Variants in ATP2C1 observed in about 807,000 individuals in gnomAD.
ATP2C1 encodes ATPase secretory pathway Ca2+ transporting 1, also known as calcium-transporting ATPase type 2C member 1.
ATP2C1 carries 31 observed loss-of-function variants against 120.5 expected under a neutral mutation model. That is an observed-to-expected ratio of 0.26 (90% CI 0.19 to 0.35). The LOEUF is 0.35. Among genes scored for constraint, ATP2C1 ranks in the 10% least tolerant of loss-of-function variants. ATP2C1 has a pLI of 1.00. For synonymous variants in ATP2C1, 351 were observed against 358.7 expected, an observed-to-expected ratio of 0.98 and a Z score of 0.24; for missense variants, 731 against 1,107.5, an observed-to-expected ratio of 0.66 and a Z score of 4.83.
intron 12 of ATP2C1, among the ~76,000 whole-genome samples, chr3:130,961,369 A>G (rs1159445073): frequency 1.3e-5 from 2 of 151,792 alleles, no homozygotes; most frequent in African/African-American, 4.8e-5. Context: ...AACTCATTCT[A>G]TTTTGCAATT....
At chr3:130,978,430 A>G (rs2061619806) in intron 18 of ATP2C1, among the ~76,000 whole-genome samples, 1 of 152,104 alleles carries the variant, frequency 6.6e-6, no homozygotes, top group Non-Finnish European at 1.5e-5. Context: ...AATATCTCAG[A>G]TGCAGGCACA....
intron 27 of ATP2C1, among the ~76,000 whole-genome samples, chr3:131,000,117 T>C (rs1003886524): frequency 9.2e-5 from 14 of 152,218 alleles, no homozygotes; most frequent in African/African-American, 3.4e-4. Flanking sequence ...GCAGAATGTT[T>C]TATAAAGACT....
intron 2 of ATP2C1, chr3:130,918,897 C>T: frequency 3.1e-6 from 1 of 319,324 alleles, no homozygotes; most frequent in Non-Finnish European, 6.1e-6. Flanking sequence ...GAGGCTGAGG[C>T]AGGAGAATGG....
chr3:130,921,339 C>T (rs1173034191), intron 2 of ATP2C1, among the ~76,000 whole-genome samples: 2 of 152,206 alleles, frequency 1.3e-5, no homozygotes, highest in African/African-American at 4.8e-5. Flanking sequence ...ACCTCGGCTT[C>T]CCAAAGTGCT....
chr3:130,944,728 T>C (rs144197531), intron 8 of ATP2C1, among the ~76,000 whole-genome samples: 2 of 152,338 alleles, frequency 1.3e-5, no homozygotes, highest in African/African-American at 4.8e-5. Context: ...TAAGGAATTG[T>C]GTAGTTTTTC....
rs559201060 is a variant in ATP2C1, at chr3:131,012,979, T to C, written c.2630-3173T>C. 4.6e-5 allele frequency among the ~76,000 whole-genome samples: 7 copies of C among 152,334 alleles called. No homozygotes were observed. In the East Asian group the frequency reaches 1.3e-3, roughly 29 times the overall value. On this transcript the variant is annotated intron_variant, in intron 26 of 26. Transcript: ENST00000328560. ...ACATAGGCCTGCTCAAAATGGCAGCTTTAAAGCTACCTTTAGGGCTATTCC... is the reference window on the plus strand; with the variant it reads ...ACATAGGCCTGCTCAAAATGGCAGCCTTAAAGCTACCTTTAGGGCTATTCC...
intron 2 of ATP2C1, among the ~76,000 whole-genome samples, chr3:130,901,595 G>C (rs1408857141): frequency 6.6e-6 from 1 of 152,054 alleles, no homozygotes; most frequent in African/African-American, 2.4e-5. Context: ...CAGTGAAGGT[G>C]CCATTGATTG....
At chr3:130,928,743 A>ATG (rs1167047112) in intron 2 of ATP2C1, among the ~76,000 whole-genome samples, 4 of 152,206 alleles carry the variant, frequency 2.6e-5, no homozygotes, top group Non-Finnish European at 2.9e-5. Context: ...GGTTATATAT[A>ATG]TGAAGAAGAT....
At chr3:130,924,640 CTTGA>C (rs2059122440) in intron 2 of ATP2C1, among the ~76,000 whole-genome samples, 1 of 152,110 alleles carries the variant, frequency 6.6e-6, no homozygotes, top group Non-Finnish European at 1.5e-5. Flanking sequence ...GGAAGTTTTC[CTTGA>C]TTATTTCCTG....
intron 9 of ATP2C1, 113 bp from the exon 10 acceptor site, chr3:130,954,899 G>A (rs1351225845): frequency 2.6e-6 from 2 of 765,274 alleles, no homozygotes; most frequent in African/African-American, 3.5e-5. Flanking sequence ...GAGTGTGTAT[G>A]TTAGACATCT....
chr3:130,987,422 C>T (rs1424103824), intron 20 of ATP2C1, among the ~76,000 whole-genome samples: 5 of 152,150 alleles, frequency 3.3e-5, no homozygotes, highest in African/African-American at 4.8e-5. Flanking sequence ...GGTGATCTCC[C>T]CAGTTCAGGT....
At chr3:130,959,094 C>T (rs563851102) in intron 11 of ATP2C1, among the ~76,000 whole-genome samples, 181 bp from the exon 12 acceptor site, 3 of 152,216 alleles carry the variant, frequency 2.0e-5, no homozygotes, top group African/African-American at 7.2e-5. Context: ...GCACAGCATT[C>T]ACATTAAGCA....
At chr3:130,883,133 T>C (rs1052814639) in intron 1 of ATP2C1, among the ~76,000 whole-genome samples, 1 of 152,206 alleles carries the variant, frequency 6.6e-6, no homozygotes, top group Non-Finnish European at 1.5e-5. Context: ...TATTAGCATA[T>C]GGTTGATGAT....
rs527464570 is a variant in ATP2C1, at chr3:130,936,810, C to G, written c.325-618C>G. On this transcript the variant is annotated intron_variant, in intron 5 of 27. Coordinates refer to ENST00000510168, the MANE Select transcript of ATP2C1 (RefSeq NM_001378687.1). ...CCAGCCTGGGCAATAGAGCAAGACT[C>G]TGTCTCAAAAAAAAAAAAAAAAAAA... 1.1e-3 allele frequency among the ~76,000 whole-genome samples: 115 copies of G among 104,392 alleles called. 2 individuals are homozygous for G. The South Asian group carries it at 0.025, about 23-fold the overall frequency. 68.5% of individuals were successfully genotyped at this position (104,392 alleles called of 152,430 possible).
intron 4 of ATP2C1, 51 bp from the exon 5 acceptor site, chr3:130,934,571 G>T (rs750648361): frequency 3.4e-6 from 4 of 1,180,488 alleles, no homozygotes; most frequent in African/African-American, 1.5e-5. Context: ...TTTGCTGAGA[G>T]AACTGTCATG....
At chr3:130,925,501 T>C (rs903714708) in intron 2 of ATP2C1, among the ~76,000 whole-genome samples, 2 of 152,262 alleles carry the variant, frequency 1.3e-5, no homozygotes, top group Non-Finnish European at 2.9e-5. Context: ...GTAGACTCTG[T>C]GAGGGTCCTT....
chr3:130,895,148 G>T (rs1161484924), intron 2 of ATP2C1, among the ~76,000 whole-genome samples: 1 of 152,146 alleles, frequency 6.6e-6, no homozygotes, highest in Non-Finnish European at 1.5e-5. Context: ...CTGCATCTCT[G>T]TATATTGGCG....
intron 11 of ATP2C1, among the ~76,000 whole-genome samples, chr3:130,958,293 A>G (rs1476479576): frequency 6.6e-6 from 1 of 152,086 alleles, no homozygotes; most frequent in African/African-American, 2.4e-5. Flanking sequence ...CTCTGTTGGA[A>G]ATACTTTACT....
At chr3:130,876,581 G>A (rs1447162252) in intron 1 of ATP2C1, among the ~76,000 whole-genome samples, 1 of 152,056 alleles carries the variant, frequency 6.6e-6, no homozygotes, top group Non-Finnish European at 1.5e-5. Flanking sequence ...TTTTTGCTTA[G>A]GATTGCTTTG....
Sources: gnomAD v4.1 joint callset for allele counts (sites outside exome capture counted in the v4.1 genomes callset) on GRCh38, gnomAD v4.1.1 for gene constraint, MANE v1.5 for transcripts, NCBI Gene and HGNC (gene_info 2026-07-23, HGNC 2026-07-21) for gene names.